DSCAM: variants seen among roughly 807,000 people sequenced by gnomAD.
The protein encoded by DSCAM is DS cell adhesion molecule, also known as cell adhesion molecule DSCAM.
Under a neutral mutation model 217.7 loss-of-function variants are expected in DSCAM, and 47 were observed. The observed-to-expected ratio is 0.22, with a 90% CI of 0.17 to 0.28. The LOEUF is 0.28. Ranked by LOEUF, DSCAM falls within the 10% of genes least tolerant of loss-of-function variation. The probability of loss-of-function intolerance (pLI) is 1.00; values close to 1 mark genes in which losing one functional copy is unlikely to be tolerated. For missense variants in DSCAM, 2,080 were observed against 2,618.3 expected (o/e 0.79, Z 4.49); for synonymous variants, 1,056 against 1,015.3 (o/e 1.04, Z -0.76).
intron 32 of DSCAM, 68 bp downstream of exon 32, chr21:40,042,303 C>T (rs1007477148): frequency 2.6e-6 from 4 of 1,539,176 alleles, no homozygotes; most frequent in Non-Finnish European, 3.5e-6. Context: ...GCTTTCACAG[C>T]AGATGAGGGA....
intron 3 of DSCAM, among the ~76,000 whole-genome samples, chr21:40,614,718 C>T (rs564000921): frequency 3.3e-5 from 5 of 152,222 alleles, no homozygotes; most frequent in Admixed American, 6.5e-5. Flanking sequence ...TGCTGACTAT[C>T]GTATGAGATG....
intron 3 of DSCAM, among the ~76,000 whole-genome samples, chr21:40,380,661 A>C (rs1330514053): frequency 1.3e-5 from 2 of 152,214 alleles, no homozygotes; most frequent in Non-Finnish European, 2.9e-5. Context: ...GAAGATAAGA[A>C]GGGATTATTC....
intron 1 of DSCAM, among the ~76,000 whole-genome samples, chr21:40,796,948 GT>G (rs1413054619): frequency 6.6e-6 from 1 of 152,190 alleles, no homozygotes; most frequent in Non-Finnish European, 1.5e-5. Context: ...TAGAAACAAT[GT>G]GTTGTAACTA....
intron 3 of DSCAM, among the ~76,000 whole-genome samples, chr21:40,633,097 T>C (rs967688756): frequency 1.3e-5 from 2 of 152,196 alleles, no homozygotes; most frequent in Admixed American, 1.3e-4. Context: ...CTTTAGGTTG[T>C]TTACTGATGT....
intron 11 of DSCAM, among the ~76,000 whole-genome samples, chr21:40,256,711 A>C (rs1380858995): frequency 1.3e-5 from 2 of 152,212 alleles, no homozygotes; most frequent in African/African-American, 4.8e-5. Flanking sequence ...CTATGGATTT[A>C]AATGTTAATC....
At chr21:40,419,949 A>C (rs1041817102) in intron 3 of DSCAM, among the ~76,000 whole-genome samples, 2 of 152,156 alleles carry the variant, frequency 1.3e-5, no homozygotes, top group African/African-American at 4.8e-5. Flanking sequence ...GTATATATAA[A>C]ATTTAAGAGT....
intron 1 of DSCAM, among the ~76,000 whole-genome samples, chr21:40,815,415 A>T (rs1429362871): frequency 6.6e-6 from 1 of 152,160 alleles, no homozygotes; most frequent in African/African-American, 2.4e-5. Context: ...GTCAGCAAAT[A>T]TAAGCAAATG....
Position 40,017,687 on chromosome 21 carries a change from G to C in DSCAM, c.5687-4301C>G, listed in dbSNP as rs181622535. 5.7e-3 allele frequency among the ~76,000 whole-genome samples: 868 copies of C among 152,162 alleles called. 5 individuals carry two copies. The highest frequency in any genetic ancestry group is 6.4e-3 in the Non-Finnish European group (434 of 68,006). The stretch of plus-strand genomic sequence containing the variant: ...CCCCCTCAGCCTCCTGAGTAGCTGG[G>C]ATTACAGGCATGCACCACCACGCCT... On this transcript the variant is annotated intron_variant, in intron 32 of 32. Transcript: ENST00000400454.
At chr21:40,314,397 T>G (rs1394415182) in intron 8 of DSCAM, among the ~76,000 whole-genome samples, 1 of 152,162 alleles carries the variant, frequency 6.6e-6, no homozygotes, top group African/African-American at 2.4e-5. Flanking sequence ...AGTTAGATCT[T>G]TGGGATTGAA....
At chr21:40,343,943 A>G (rs1212891726) in intron 6 of DSCAM, among the ~76,000 whole-genome samples, 4 of 139,828 alleles carry the variant, frequency 2.9e-5, no homozygotes, top group African/African-American at 1.0e-4. Flanking sequence ...TCACTCTGTC[A>G]CCCAGGCTGG....
intron 1 of DSCAM, among the ~76,000 whole-genome samples, chr21:40,797,335 C>A (rs954678871): frequency 6.6e-6 from 1 of 152,188 alleles, no homozygotes; most frequent in Non-Finnish European, 1.5e-5. Flanking sequence ...AATTCAATGT[C>A]ATGGTCTCTT....
intron 11 of DSCAM, among the ~76,000 whole-genome samples, chr21:40,247,261 T>C (rs1200141679): frequency 6.6e-6 from 1 of 152,132 alleles, no homozygotes; most frequent in Non-Finnish European, 1.5e-5. Flanking sequence ...TGTCCTCACA[T>C]TTCAAAAACA....
intron 32 of DSCAM, among the ~76,000 whole-genome samples, chr21:40,041,134 G>A (rs937247946): frequency 6.6e-6 from 1 of 152,110 alleles, no homozygotes; most frequent in Non-Finnish European, 1.5e-5. Context: ...TTTCAGCTAG[G>A]CCTTGTCCCA....
chr21:40,654,660 T>C (rs983858773), intron 3 of DSCAM, among the ~76,000 whole-genome samples: 6 of 152,212 alleles, frequency 3.9e-5, no homozygotes, highest in Admixed American at 3.9e-4. Flanking sequence ...GGTTCATGGC[T>C]GCTTCCTCCA....
rs145680049 is a variant in DSCAM at position 40,143,662 on chromosome 21, G to A, written c.3259+829C>T. ...AAAAATTAGCCAGGCGTGGTGGCGG[G>A]TGCCTGCAGTCCCAGCTACTCGGGA... is the stretch of plus-strand genomic sequence containing the variant. On this transcript the variant is annotated intron_variant, in intron 17 of 32. Transcript: ENST00000400454. Among the ~76,000 whole-genome samples the A allele has an allele frequency of 8.8e-3, 1,333 of 152,278 alleles. 11 individuals carry two copies. Among genetic ancestry groups the A allele is most frequent in the Non-Finnish European group, 0.014 (958 of 68,006 alleles).
At chr21:40,498,315 T>C (rs191714908) in intron 3 of DSCAM, among the ~76,000 whole-genome samples, 1 of 152,070 alleles carries the variant, frequency 6.6e-6, no homozygotes. Context: ...AGTTTGATTA[T>C]CTAAAAATGG....
chr21:40,583,895 A>G (rs543884451), intron 3 of DSCAM, among the ~76,000 whole-genome samples: 1 of 129,822 alleles, frequency 7.7e-6, no homozygotes, highest in Admixed American at 8.5e-5. Context: ...ACTTTAAAAA[A>G]TAAAGTCTAT....
chr21:40,742,314 G>A (rs1042958957), intron 1 of DSCAM, among the ~76,000 whole-genome samples: 30 of 152,256 alleles, frequency 2.0e-4, no homozygotes, highest in African/African-American at 7.2e-4. Context: ...TCATAGACAT[G>A]CAACTAATTT....
At chr21:40,425,853 A>G (rs746377760) in intron 3 of DSCAM, among the ~76,000 whole-genome samples, 12 of 152,176 alleles carry the variant, frequency 7.9e-5, no homozygotes, top group Non-Finnish European at 1.8e-4. Context: ...ACATATATAA[A>G]CATACACATG....
Sources: allele counts gnomAD v4.1 joint callset (sites outside exome capture counted in the v4.1 genomes callset), GRCh38; gene constraint gnomAD v4.1.1; transcripts MANE v1.5; gene names NCBI Gene and HGNC (gene_info 2026-07-23, HGNC 2026-07-21).